TENM2: variants seen among roughly 807,000 people sequenced by gnomAD.
TENM2 encodes teneurin-2.
TENM2 carries 52 observed loss-of-function variants against 245.2 expected under a neutral mutation model. That is an observed-to-expected ratio of 0.21 (90% CI 0.17 to 0.27). The LOEUF (loss-of-function observed/expected upper bound fraction) is 0.27. Among genes scored for constraint, TENM2 ranks in the 10% least tolerant of loss-of-function variants. The pLI, the probability that TENM2 is intolerant of heterozygous loss-of-function variation, is 1.00. For missense variants in TENM2, 3,046 were observed against 3,666.8 expected (o/e 0.83, Z 4.37); for synonymous variants, 1,363 against 1,438.9 (o/e 0.95, Z 1.19).
intron 9 of TENM2, among the ~76,000 whole-genome samples, chr5:168,107,973 A>C (rs1794388044): frequency 6.6e-6 from 1 of 152,230 alleles, no homozygotes; most frequent in South Asian, 2.1e-4. Context: ...AGCTTCCAGC[A>C]GTCCCCTTTG....
intron 2 of TENM2, among the ~76,000 whole-genome samples, chr5:167,457,017 C>T (rs942382568): frequency 6.6e-6 from 1 of 152,138 alleles, no homozygotes; most frequent in Non-Finnish European, 1.5e-5. Context: ...AAGCAGATGG[C>T]TTCTTCTCAC....
chr5:167,425,700 A>C (rs72829346), intron 2 of TENM2, among the ~76,000 whole-genome samples: 2,015 of 152,220 alleles, frequency 0.013, 19 homozygotes, highest in Middle Eastern at 0.027. Flanking sequence ...GAAATTACTT[A>C]ATCTCTCTGC....
intron 2 of TENM2, among the ~76,000 whole-genome samples, chr5:167,771,982 C>A (rs189440105): frequency 6.6e-6 from 1 of 152,194 alleles, no homozygotes; most frequent in African/African-American, 2.4e-5. Flanking sequence ...AATATGGTGG[C>A]CATACAGTAC....
Position 167,420,730 on chromosome 5 carries a change from G to C in TENM2, c.502+45257G>C, listed in dbSNP as rs560363292. 1.6e-4 allele frequency among the ~76,000 whole-genome samples: 24 copies of C among 151,988 alleles called. 1 individual carries two copies. The highest frequency in any genetic ancestry group is 3.9e-4 in the East Asian group (2 of 5,160). ...TTATCATGATACCTCGTCTTTTTCC[G>C]ACAGCACCATCATTCTCTACTATAG... On this transcript the variant is annotated intron_variant, in intron 2 of 28. Transcript: ENST00000518659.
Position 168,090,781 on chromosome 5 carries a change from G to T in TENM2, c.1711+12G>T, listed in dbSNP as rs1180779500. On this transcript the variant is annotated intron_variant, in intron 8 of 28. Coordinates refer to ENST00000518659, the Ensembl canonical transcript of TENM2. ...TACTGTTGTCCTAGGTAGGTGTGGG[G>T]TCTCTGAGATGGTACGCCATGAAGG... 1 of 1,608,800 alleles carries T rather than the reference G, an allele frequency of 6.2e-7. No individual in the cohort carries two copies. The highest frequency in any genetic ancestry group is 1.3e-5 in the African/African-American group (1 of 74,798).
At chr5:167,784,369 A>G (rs953786028) in intron 2 of TENM2, among the ~76,000 whole-genome samples, 2 of 152,240 alleles carry the variant, frequency 1.3e-5, no homozygotes, top group South Asian at 4.1e-4. Context: ...GAATGTATGT[A>G]GTGAAAGCTC....
chr5:167,567,133 G>A (rs62382763), intron 2 of TENM2, among the ~76,000 whole-genome samples: 163 of 152,110 alleles, frequency 1.1e-3, no homozygotes, highest in Non-Finnish European at 1.7e-3. Context: ...GTTTGGAAAC[G>A]GATATAAAAA....
chr5:167,562,631 G>GCC (rs1773666682), intron 2 of TENM2, among the ~76,000 whole-genome samples: 1 of 152,166 alleles, frequency 6.6e-6, no homozygotes, highest in Non-Finnish European at 1.5e-5. Flanking sequence ...TATTCAAATG[G>GCC]AAGCCTGTGA....
chr5:167,519,579 T>C (rs551446968), intron 2 of TENM2, among the ~76,000 whole-genome samples: 1 of 152,270 alleles, frequency 6.6e-6, no homozygotes, highest in South Asian at 2.1e-4. Flanking sequence ...GAAATGGTTA[T>C]ACCTGTATTA....
exon 6 of TENM2, chr5:168,047,440 C>A (rs200480881): frequency 1.8e-4 from 272 of 1,551,558 alleles, no homozygotes; most frequent in Non-Finnish European, 2.3e-4. Context: ...TGCATCTGCT[C>A]GGACTCAATT....
At chr5:168,165,576 A>C (rs909926396) in intron 13 of TENM2, among the ~76,000 whole-genome samples, 1 of 135,702 alleles carries the variant, frequency 7.4e-6, no homozygotes, top group Non-Finnish European at 1.5e-5. Flanking sequence ...GAAGTGATGG[A>C]GCTAAAAGAG....
intron 2 of TENM2, among the ~76,000 whole-genome samples, chr5:167,406,078 G>C (rs933955301): frequency 2.0e-5 from 3 of 152,080 alleles, no homozygotes; most frequent in Non-Finnish European, 4.4e-5. Context: ...TCTAGTAATA[G>C]AGTCAAAAAT....
intron 2 of TENM2, among the ~76,000 whole-genome samples, chr5:167,836,540 T>C (rs1437356848): frequency 6.6e-6 from 1 of 152,204 alleles, no homozygotes; most frequent in East Asian, 1.9e-4. Context: ...GCTTTGTAGC[T>C]ACCTGACAAA....
intron 2 of TENM2, among the ~76,000 whole-genome samples, chr5:167,696,553 C>T (rs1371318648): frequency 6.6e-6 from 1 of 152,120 alleles, no homozygotes; most frequent in African/African-American, 2.4e-5. Flanking sequence ...AATGGTGAGC[C>T]TCCCTTTTCT....
chr5:168,112,614 G>GC (rs1554199698), intron 9 of TENM2, among the ~76,000 whole-genome samples: 2 of 121,028 alleles, frequency 1.7e-5, no homozygotes, highest in African/African-American at 6.2e-5. Flanking sequence ...GGCGGGGGGG[G>GC]GGTCAAACTT....
At chr5:167,561,141 T>C (rs1211574621) in intron 2 of TENM2, among the ~76,000 whole-genome samples, 3 of 152,332 alleles carry the variant, frequency 2.0e-5, no homozygotes, top group Non-Finnish European at 2.9e-5. Context: ...TGTTGAGCCC[T>C]TTTGTCAGAA....
At chr5:167,464,832 TTCTC>T (rs1247540961) in intron 2 of TENM2, among the ~76,000 whole-genome samples, 16 of 152,214 alleles carry the variant, frequency 1.1e-4, no homozygotes, top group African/African-American at 1.7e-4. Flanking sequence ...AGAGATTAAT[TTCTC>T]TCTAAGTAAA....
chr5:167,605,505 G>A (rs573432066), intron 2 of TENM2, among the ~76,000 whole-genome samples: 5 of 152,212 alleles, frequency 3.3e-5, no homozygotes, highest in Non-Finnish European at 7.3e-5. Flanking sequence ...TAGGTCCCCA[G>A]TGAGAAGTGT....
the TENM2 span, among the ~76,000 whole-genome samples, chr5:167,160,314 G>T: frequency 1.3e-5 from 2 of 152,196 alleles, no homozygotes; most frequent in African/African-American, 2.4e-5. Context: ...TCCACAGGAC[G>T]GAGGTCTGGC....
Sources: allele counts gnomAD v4.1 joint callset (sites outside exome capture counted in the v4.1 genomes callset), GRCh38; gene constraint gnomAD v4.1.1; transcripts MANE v1.5; gene names NCBI Gene and HGNC (gene_info 2026-07-23, HGNC 2026-07-21).